Variants in SAXO2 observed in about 807,000 individuals in gnomAD.
The protein encoded by SAXO2 is stabilizer of axonemal microtubules 2, also known as family with sequence similarity 154, member B.
A neutral mutation model predicts 18.7 loss-of-function variants in SAXO2; 17 were observed. The ratio of observed to expected loss-of-function variants is 0.91; its 90% CI spans 0.62 to 1.36. SAXO2 has a LOEUF of 1.36. SAXO2 is among the 40% of genes most tolerant of loss of function. SAXO2 has a pLI of 0.00. For synonymous variants in SAXO2, 163 were observed against 181.2 expected (o/e 0.90, Z 0.81); for missense variants, 486 against 562.6 (o/e 0.86, Z 1.38).
intron 3 of SAXO2, among the ~76,000 whole-genome samples, chr15:82,279,482 TG>T (rs527458725): frequency 6.6e-6 from 1 of 152,146 alleles, no homozygotes; most frequent in Non-Finnish European, 1.5e-5. Context: ...GATAATTAAT[TG>T]GGGCATGCTA....
chr15:82,266,466 A>AGGCAT, intron 2 of SAXO2, among the ~76,000 whole-genome samples: 1 of 152,218 alleles, frequency 6.6e-6, no homozygotes, highest in Non-Finnish European at 1.5e-5. Context: ...AATCATGTAG[A>AGGCAT]GGCATGGTTT....
At chr15:82,272,917 T>C (rs558203322) in intron 3 of SAXO2, among the ~76,000 whole-genome samples, 1 of 151,702 alleles carries the variant, frequency 6.6e-6, no homozygotes, top group Admixed American at 6.6e-5. Flanking sequence ...GGCTGTTTTT[T>C]TTTTTCAAGA....
chr15:82,264,439 T>A (rs549688597), intron 1 of SAXO2, among the ~76,000 whole-genome samples: 1 of 151,968 alleles, frequency 6.6e-6, no homozygotes, highest in Non-Finnish European at 1.5e-5. Context: ...TTTTTACTAT[T>A]TACAATCTCA....
At chr15:82,270,104 A>C (rs1486228317) in intron 2 of SAXO2, among the ~76,000 whole-genome samples, 2 of 152,198 alleles carry the variant, frequency 1.3e-5, no homozygotes, top group African/African-American at 2.4e-5. Context: ...TGAAGCTCAC[A>C]GAAGAGGTCC....
chr15:82,281,020 A>G lies in SAXO2; in HGVS notation c.434-1099A>G, dbSNP rs531215407. On this transcript the variant is annotated intron_variant, in intron 3 of 3. Coordinates refer to ENST00000682753, the MANE Select transcript of SAXO2 (RefSeq NM_001348699.2). ...CTTCAAAGAAGATATCCACATAATA[A>G]GTTTTCAAAGTTTGACCTTTCCTGT... Among the ~76,000 whole-genome samples the G allele has an allele frequency of 1.7e-4, 26 of 152,324 alleles. No individual in the cohort carries two copies. In the South Asian group the frequency reaches 4.1e-3, roughly 24 times the overall value.
chr15:82,266,440 C>T (rs2075219189), intron 2 of SAXO2, among the ~76,000 whole-genome samples: 1 of 152,208 alleles, frequency 6.6e-6, no homozygotes. Context: ...TTAATATAAA[C>T]CAGAATCCTT....
chr15:82,264,941 G>A, intron 1 of SAXO2: 1 of 564,454 alleles, frequency 1.8e-6, no homozygotes, highest in Admixed American at 3.0e-5. Flanking sequence ...ACACATAGTA[G>A]GTGAAACCTA....
At chr15:82,281,904 A>G (rs2075364744) in intron 3 of SAXO2, among the ~76,000 whole-genome samples, 1 of 152,142 alleles carries the variant, frequency 6.6e-6, no homozygotes, top group Admixed American at 6.5e-5. Context: ...GGAAAGTTAC[A>G]TGTATTAAAG....
At chr15:82,270,145 G>A (rs1245722921) in intron 2 of SAXO2, among the ~76,000 whole-genome samples, 2 of 152,188 alleles carry the variant, frequency 1.3e-5, no homozygotes, top group Admixed American at 1.3e-4. Context: ...GGGTTATTTC[G>A]ATCTAGGTAG....
rs112233125 is a variant in SAXO2, at chr15:82,278,783, T to G, written c.434-3336T>G. 4.7e-3 allele frequency among the ~76,000 whole-genome samples: 714 copies of G among 152,260 alleles called. 11 individuals are homozygous for G. Among genetic ancestry groups the G allele is most frequent in the African/African-American group, 0.017 (687 of 41,566 alleles). ...GGAAAATCTCCAAATATTTGGAAATTAAACAGCAAAATCCTAAATAACTAA... is the reference window on the plus strand; with the variant it reads ...GGAAAATCTCCAAATATTTGGAAATGAAACAGCAAAATCCTAAATAACTAA... On this transcript the variant is annotated intron_variant, in intron 3 of 3. Transcript: ENST00000682753.
intron 3 of SAXO2, among the ~76,000 whole-genome samples, chr15:82,276,817 C>T (rs1431066743): frequency 6.6e-6 from 1 of 151,730 alleles, no homozygotes; most frequent in African/African-American, 2.4e-5. Context: ...ATACCTTCTA[C>T]AAAAAGCATT....
intron 3 of SAXO2, among the ~76,000 whole-genome samples, chr15:82,275,967 T>A (rs2075311553): frequency 6.6e-6 from 1 of 152,188 alleles, no homozygotes. Flanking sequence ...ATTATGTCTC[T>A]TCGCTGACAA....
rs369233547 is a variant in SAXO2, at chr15:82,276,432, C to A, written c.433+4630C>A. Among the ~76,000 whole-genome samples, 12 of 152,190 alleles carry A rather than the reference C, an allele frequency of 7.9e-5. 1 individual carries two copies. In the East Asian group the frequency reaches 2.3e-3, roughly 29 times the overall value. ...TAAACAAAAAGAATAAAACCAGAGG[C>A]ATTACATCTCCTGACTTCAAACTAT... is the stretch of plus-strand genomic sequence containing the variant. On this transcript the variant is annotated intron_variant, in intron 3 of 3. Transcript: ENST00000682753.
intron 1 of SAXO2, among the ~76,000 whole-genome samples, chr15:82,264,070 T>G (rs1369630660): frequency 2.4e-4 from 6 of 25,394 alleles, no homozygotes; most frequent in Non-Finnish European, 4.8e-4. Flanking sequence ...ATGCATTGAT[T>G]TTTTTTTTTT....
intron 2 of SAXO2, 109 bp from the exon 3 acceptor site, chr15:82,271,494 G>C: frequency 3.3e-6 from 3 of 914,540 alleles, no homozygotes; most frequent in Non-Finnish European, 4.8e-6. Flanking sequence ...TATCTTCTCA[G>C]ACTTTTCCAG....
chr15:82,279,388 A>G (rs1330400571), intron 3 of SAXO2, among the ~76,000 whole-genome samples: 1 of 152,220 alleles, frequency 6.6e-6, no homozygotes, highest in Non-Finnish European at 1.5e-5. Context: ...AAAGTCAATT[A>G]AACAGAACCT....
At chr15:82,265,838 T>C in intron 2 of SAXO2, 90 bp downstream of exon 2, 1 of 965,278 alleles carries the variant, frequency 1.0e-6, no homozygotes, top group Non-Finnish European at 1.4e-6. Context: ...ATTGAACTGT[T>C]CAGTTGATTT....
At position 82,265,806 on chromosome 15, in the gene SAXO2, A is replaced by G. The variant is rs1290236431; in HGVS notation, c.233+58A>G. 14 of 1,352,092 alleles carry G rather than the reference A, an allele frequency of 1.0e-5. No homozygotes were observed. The African/African-American group carries it at 1.4e-4, about 13-fold the overall frequency. 83.8% of individuals were successfully genotyped at this position (1,352,092 alleles called of 1,614,324 possible). Reference sequence around the variant, plus strand: ...TTTTCTCTCAACTCTTCTGGTGTCAATAAAGTTTTCTAGCTATTTAAATTG... The same window carrying G: ...TTTTCTCTCAACTCTTCTGGTGTCAGTAAAGTTTTCTAGCTATTTAAATTG... On this transcript the variant is annotated intron_variant, in intron 2 of 3. Coordinates refer to ENST00000682753, the MANE Select transcript of SAXO2 (RefSeq NM_001348699.2).
At chr15:82,269,865 T>C (rs2075254685) in intron 2 of SAXO2, among the ~76,000 whole-genome samples, 1 of 152,144 alleles carries the variant, frequency 6.6e-6, no homozygotes, top group South Asian at 2.1e-4. Flanking sequence ...AAATTGACAG[T>C]AGTTGATGAT....
Sources: allele counts gnomAD v4.1 joint callset (sites outside exome capture counted in the v4.1 genomes callset), GRCh38; gene constraint gnomAD v4.1.1; transcripts MANE v1.5; gene names NCBI Gene and HGNC (gene_info 2026-07-23, HGNC 2026-07-21).